FSTL5: variants seen among roughly 807,000 people sequenced by gnomAD.
The protein encoded by FSTL5 is follistatin-related protein 5.
FSTL5 carries 62 observed loss-of-function variants against 89.1 expected under a neutral mutation model. The ratio of observed to expected loss-of-function variants is 0.70; its 90% CI spans 0.57 to 0.86. The LOEUF (loss-of-function observed/expected upper bound fraction) is 0.86, where lower values mean the gene tolerates loss of function less well. Among genes scored for constraint, FSTL5 ranks in the 40% least tolerant of loss-of-function variants. The pLI is 0.00. For synonymous variants in FSTL5, 383 were observed against 346.2 expected, an observed-to-expected ratio of 1.11 and a Z score of -1.18; for missense variants, 1,057 against 1,001.6, an observed-to-expected ratio of 1.06 and a Z score of -0.75.
intron 7 of FSTL5, among the ~76,000 whole-genome samples, chr4:161,652,333 G>A (rs1485245953): frequency 6.6e-6 from 1 of 152,118 alleles, no homozygotes; most frequent in African/African-American, 2.4e-5. Context: ...TACTTGGGAG[G>A]TTGAGGTGGT....
At chr4:161,853,285 T>G (rs1202879146) in intron 4 of FSTL5, among the ~76,000 whole-genome samples, 1 of 152,148 alleles carries the variant, frequency 6.6e-6, no homozygotes, top group Admixed American at 6.6e-5. Flanking sequence ...GTTGTTGTTT[T>G]GAGATGAAGT....
intron 7 of FSTL5, among the ~76,000 whole-genome samples, chr4:161,587,858 T>C (rs1272148785): frequency 1.3e-5 from 2 of 152,188 alleles, no homozygotes; most frequent in African/African-American, 4.8e-5. Context: ...CACATATGTG[T>C]TCTAATTTAG....
chr4:161,399,055 G>A (rs1731095990), intron 15 of FSTL5, among the ~76,000 whole-genome samples: 1 of 152,078 alleles, frequency 6.6e-6, no homozygotes, highest in Non-Finnish European at 1.5e-5. Flanking sequence ...GCACAATACT[G>A]TATGAATGGT....
At chr4:161,758,145 T>G (rs1005198736) in intron 6 of FSTL5, among the ~76,000 whole-genome samples, 1 of 152,160 alleles carries the variant, frequency 6.6e-6, no homozygotes, top group Non-Finnish European at 1.5e-5. Flanking sequence ...TAAAATATAA[T>G]ACAGTGTTTT....
At chr4:161,715,881 C>T (rs1055274202) in intron 6 of FSTL5, among the ~76,000 whole-genome samples, 6 of 152,192 alleles carry the variant, frequency 3.9e-5, no homozygotes, top group African/African-American at 7.2e-5. Context: ...CTCTCTAGCC[C>T]GTAGTAGTGC....
chr4:161,964,816 G>A (rs561135617), intron 3 of FSTL5, among the ~76,000 whole-genome samples: 4 of 151,890 alleles, frequency 2.6e-5, no homozygotes, highest in Non-Finnish European at 4.4e-5. Context: ...TTACATTTTG[G>A]AATAAAACAT....
chr4:161,403,187 C>T (rs1731241142), intron 15 of FSTL5, among the ~76,000 whole-genome samples: 1 of 152,130 alleles, frequency 6.6e-6, no homozygotes, highest in Non-Finnish European at 1.5e-5. Context: ...GCTTTAAATA[C>T]TTGAACACCA....
intron 15 of FSTL5, among the ~76,000 whole-genome samples, chr4:161,445,272 A>G (rs1257986642): frequency 1.3e-5 from 2 of 151,942 alleles, no homozygotes; most frequent in Admixed American, 6.6e-5. Flanking sequence ...ACTTTTAGTC[A>G]GTTTCTCATA....
intron 6 of FSTL5, among the ~76,000 whole-genome samples, chr4:161,699,684 G>A (rs1473436759): frequency 6.6e-6 from 1 of 152,132 alleles, no homozygotes; most frequent in Non-Finnish European, 1.5e-5. Flanking sequence ...ATTTTTAAAT[G>A]TTAGGACAAA....
At chr4:161,764,872 T>G (rs1560832596) in intron 5 of FSTL5, among the ~76,000 whole-genome samples, 1 of 152,220 alleles carries the variant, frequency 6.6e-6, no homozygotes, top group Non-Finnish European at 1.5e-5. Context: ...GTTAATACTA[T>G]AGTTACCTTG....
chr4:161,487,125 T>C (rs2126463204), intron 12 of FSTL5, among the ~76,000 whole-genome samples: 1 of 152,334 alleles, frequency 6.6e-6, no homozygotes, highest in East Asian at 1.9e-4. Context: ...ATGAATCATA[T>C]ATTATATTTC....
intron 15 of FSTL5, among the ~76,000 whole-genome samples, chr4:161,414,169 A>T (rs1253321775): frequency 6.6e-6 from 1 of 152,234 alleles, no homozygotes; most frequent in African/African-American, 2.4e-5. Context: ...AATATTAATT[A>T]ATGATTAAGC....
chr4:161,631,302 C>T lies in FSTL5; in HGVS notation c.894+25026G>A, dbSNP rs17041263. Among the ~76,000 whole-genome samples the T allele has an allele frequency of 6.0e-3, 907 of 152,114 alleles. 16 individuals carry two copies. Among genetic ancestry groups the T allele is most frequent in the South Asian group, 0.046 (221 of 4,830 alleles). ...AATTTCATCAATAAATTGCTTAGTCCCCAGTTCATAATCTGTTCTTCTATT... is the reference window on the plus strand; with the variant it reads ...AATTTCATCAATAAATTGCTTAGTCTCCAGTTCATAATCTGTTCTTCTATT... On this transcript the variant is annotated intron_variant, in intron 7 of 15. Transcript: ENST00000306100.
intron 13 of FSTL5, among the ~76,000 whole-genome samples, chr4:161,471,681 A>G (rs1733947734): frequency 6.6e-6 from 1 of 152,160 alleles, no homozygotes; most frequent in Non-Finnish European, 1.5e-5. Flanking sequence ...CATCAGATTT[A>G]CTGCTTTTCT....
In FSTL5 at chr4:161,602,577, G is replaced by T. The variant is rs770988862; in HGVS notation, c.895-15002C>A. ...TAAAGAATAATTAATATTTTAAAAA[G>T]CCAGAAATGTATTTATACTACAGGG... On this transcript the variant is annotated intron_variant, in intron 7 of 15. Coordinates refer to ENST00000306100, the MANE Select transcript of FSTL5 (RefSeq NM_020116.5). Among the ~76,000 whole-genome samples the T allele has an allele frequency of 1.1e-4, 17 of 152,114 alleles. No homozygotes were observed. In the Middle Eastern group the frequency reaches 0.014, roughly 122 times the overall value.
intron 4 of FSTL5, among the ~76,000 whole-genome samples, chr4:161,827,391 G>A (rs1730700164): frequency 1.3e-5 from 2 of 152,334 alleles, no homozygotes; most frequent in Admixed American, 6.5e-5. Flanking sequence ...GTCCTTAGCT[G>A]TAGTTTTGTT....
At chr4:161,559,942 C>T (rs1732532126) in intron 8 of FSTL5, among the ~76,000 whole-genome samples, 1 of 151,894 alleles carries the variant, frequency 6.6e-6, no homozygotes, top group African/African-American at 2.4e-5. Context: ...GCAGGCCAAG[C>T]TTGTCCAACC....
chr4:161,952,985 G>A (rs1430542577), intron 3 of FSTL5, among the ~76,000 whole-genome samples: 3 of 151,714 alleles, frequency 2.0e-5, no homozygotes, highest in Admixed American at 6.6e-5. Flanking sequence ...TTTACTACTG[G>A]CTCAAGGCTT....
At chr4:162,092,293 G>C (rs1730580261) in intron 2 of FSTL5, among the ~76,000 whole-genome samples, 1 of 152,072 alleles carries the variant, frequency 6.6e-6, no homozygotes, top group African/African-American at 2.4e-5. Context: ...GAAGCCCTTA[G>C]AGTCATTATA....
Sources: gnomAD v4.1 joint callset for allele counts (sites outside exome capture counted in the v4.1 genomes callset) on GRCh38, gnomAD v4.1.1 for gene constraint, MANE v1.5 for transcripts, NCBI Gene and HGNC (gene_info 2026-07-23, HGNC 2026-07-21) for gene names.